Variants in PCDHGA8 observed in about 807,000 individuals in gnomAD.
PCDHGA8 encodes the protein protocadherin gamma subfamily A, 8.
In PCDHGA8, 45 loss-of-function variants were observed where a neutral mutation model predicts 59.2. The observed-to-expected ratio is 0.76, with a 90% CI of 0.60 to 0.98. The LOEUF is 0.98. Among genes scored for constraint, PCDHGA8 ranks in the 50% least tolerant of loss-of-function variants. The pLI is 0.00. For synonymous variants in PCDHGA8, 531 were observed against 519.0 expected, an observed-to-expected ratio of 1.02 and a Z score of -0.32; for missense variants, 1,257 against 1,196.2, an observed-to-expected ratio of 1.05 and a Z score of -0.75.
In PCDHGA8 at chr5:141,393,094, A is replaced by T; in HGVS notation, c.281A>T (p.Glu94Val). The T allele has an allele frequency of 2.5e-6, 4 of 1,613,606 alleles. No homozygotes were observed. Among genetic ancestry groups the T allele is most frequent in the Non-Finnish European group, 3.4e-6 (4 of 1,179,906 alleles). Residue 94 changes from glutamate to valine, a missense_variant, in exon 1 of 4, where the codon GAG (glutamate) becomes GTG (valine). By Grantham distance (121) the Glu-to-Val change is moderately radical. Coordinates refer to ENST00000398604, the MANE Select transcript of PCDHGA8 (RefSeq NM_032088.2). ...ACCGCGGGCAGGATAGATCGGGAGG[A>T]GCTCTGCGCTCAGAGCCCGCGGTGT... ...LITAGRIDREELCAQSPRCLI... is the reference protein window; with the variant it reads ...LITAGRIDREVLCAQSPRCLI...
At position 141,404,150 on chromosome 5, in the gene PCDHGA8, G is replaced by A. The variant is rs1325217999; in HGVS notation, c.2424+8913G>A. ...TTTTACATTAGAAAATTCAGAAGAA[G>A]ATTATTACAGATTGTTGACGGCCCA... is the stretch of plus-strand genomic sequence containing the variant. On this transcript the variant is annotated intron_variant, in intron 1 of 3. Coordinates refer to ENST00000398604, the MANE Select transcript of PCDHGA8 (RefSeq NM_032088.2). 5.0e-6 allele frequency: 8 copies of A among 1,612,830 alleles called. 1 individual carries two copies. In the Middle Eastern group the frequency reaches 6.6e-4, roughly 133 times the overall value.
intron 1 of PCDHGA8, chr5:141,423,851 C>A (rs1311833319): frequency 2.4e-6 from 3 of 1,275,940 alleles, no homozygotes; most frequent in East Asian, 3.1e-5. Context: ...TCTTTCAGAA[C>A]GTTTTTGTGA....
rs1265360670 is a variant in PCDHGA8, at chr5:141,435,001, T to A, written c.2424+39764T>A. On this transcript the variant is annotated intron_variant, in intron 1 of 3. Transcript: ENST00000398604. ...TACTCTATATCATTTTCTAGCTGAATTTATCAATGATAATGCTCTTTTCCC... is the reference window on the plus strand; with the variant it reads ...TACTCTATATCATTTTCTAGCTGAAATTATCAATGATAATGCTCTTTTCCC... Among the ~76,000 whole-genome samples the A allele has an allele frequency of 3.9e-5, 6 of 152,120 alleles. No homozygotes were observed. In the East Asian group the frequency reaches 1.2e-3, roughly 29 times the overall value.
At chr5:141,430,635 T>C (rs1561846344) in intron 1 of PCDHGA8, 1 of 881,828 alleles carries the variant, frequency 1.1e-6, no homozygotes, top group African/African-American at 1.7e-5. Context: ...GAACCATCCC[T>C]GGGAGTATGT....
At chr5:141,466,556 T>C (rs1398776914) in intron 1 of PCDHGA8, among the ~76,000 whole-genome samples, 1 of 152,222 alleles carries the variant, frequency 6.6e-6, no homozygotes, top group Non-Finnish European at 1.5e-5. Context: ...TGCTGTGGGC[T>C]TCATCTTCAA....
At chr5:141,459,300 A>G (rs954766370) in intron 1 of PCDHGA8, among the ~76,000 whole-genome samples, 2 of 152,202 alleles carry the variant, frequency 1.3e-5, no homozygotes, top group Non-Finnish European at 2.9e-5. Context: ...ATCCTATAAC[A>G]TATACTATTT....
chr5:141,418,247 G>T, intron 1 of PCDHGA8: 1 of 1,614,032 alleles, frequency 6.2e-7, no homozygotes, highest in Non-Finnish European at 8.5e-7. Context: ...TAATGACCAC[G>T]CCCCTCAATT....
At chr5:141,395,526 G>T in intron 1 of PCDHGA8, 4 of 357,898 alleles carry the variant, frequency 1.1e-5, no homozygotes, top group Admixed American at 4.6e-5. Context: ...GTCCATACTG[G>T]TAATTTTGCT....
rs747671382 is a variant in PCDHGA8 at position 141,444,152 on chromosome 5, A to ATTTTTTT, written c.2424+48945_2424+48951dup. On this transcript the variant is annotated intron_variant, in intron 1 of 3. Coordinates refer to ENST00000398604, the MANE Select transcript of PCDHGA8 (RefSeq NM_032088.2). ...GATATGTGTCACTTGTGTGTACTGG[A>ATTTTTTT]TTTTTTTTTTTTTTTTTTTTTTTTT... Among the ~76,000 whole-genome samples, 8 of 33,896 alleles carry ATTTTTTT rather than the reference A, an allele frequency of 2.4e-4. 2 individuals are homozygous for ATTTTTTT. The highest frequency in any genetic ancestry group is 2.1e-3 in the South Asian group (2 of 962). 22.2% of individuals were successfully genotyped at this position (33,896 alleles called of 152,430 possible).
chr5:141,414,613 G>A (rs957641063), intron 1 of PCDHGA8: 2 of 1,613,988 alleles, frequency 1.2e-6, no homozygotes, highest in East Asian at 4.5e-5. Flanking sequence ...CTCAGTGACA[G>A]CGCTGGACCC....
At position 141,490,169 on chromosome 5, in the gene PCDHGA8, T is replaced by C; in HGVS notation, c.2425-4638T>C. ...ATCCATGTGTTGGGTCCCATAGACT[T>C]TGAGGAGTCACGTTTCTATGAAATT... On this transcript the variant is annotated intron_variant, in intron 1 of 3. Transcript: ENST00000398604. This position sits in a 1 kb window ranked among gnomAD's most constrained non-coding sequence, Gnocchi z 5.4. 6.2e-7 allele frequency: 1 copy of C among 1,614,190 alleles called. No individual in the cohort carries two copies. The highest frequency in any genetic ancestry group is 8.5e-7 in the Non-Finnish European group (1 of 1,180,018).
At chr5:141,426,825 A>G (rs747894160) in intron 1 of PCDHGA8, 26 of 456,582 alleles carry the variant, frequency 5.7e-5, no homozygotes, top group Non-Finnish European at 9.3e-5. Context: ...CTCTCTGATG[A>G]TGGACAAGAC....
chr5:141,427,229 G>A (rs1377470019), intron 1 of PCDHGA8: 3 of 456,628 alleles, frequency 6.6e-6, no homozygotes, highest in Non-Finnish European at 1.3e-5. Context: ...GTTATACCAT[G>A]AGAGTAGAAG....
chr5:141,485,726 C>G lies in PCDHGA8; in HGVS notation c.2425-9081C>G. On this transcript the variant is annotated intron_variant, in intron 1 of 3. Transcript: ENST00000398604. The surrounding 1 kb of genome is among the most constrained non-coding windows in gnomAD (Gnocchi z 5.7). ...ACACTTTGCACTGGATGTGAAGAAG[C>G]GCAGCGACGGCAGCCTGGTCCCAGA... 2 of 1,614,140 alleles carry G rather than the reference C, an allele frequency of 1.2e-6. No individual in the cohort carries two copies. The highest frequency in any genetic ancestry group is 1.1e-5 in the South Asian group (1 of 91,082).
chr5:141,431,879 C>T lies in PCDHGA8; in HGVS notation c.2424+36642C>T. 1 of 1,614,162 alleles carries T rather than the reference C, an allele frequency of 6.2e-7. No individual in the cohort carries two copies. The highest frequency in any genetic ancestry group is 8.5e-7 in the Non-Finnish European group (1 of 1,179,970). ...AATTGCCCTTTTAAATGTAAATGAC[C>T]AAGATTCTGAGGAAAACGGACAGGT... On this transcript the variant is annotated intron_variant, in intron 1 of 3. Coordinates refer to ENST00000398604, the MANE Select transcript of PCDHGA8 (RefSeq NM_032088.2). The surrounding 1 kb of genome is among the most constrained non-coding windows in gnomAD (Gnocchi z 4.8).
chr5:141,438,901 G>A (rs1039951275), intron 1 of PCDHGA8, among the ~76,000 whole-genome samples: 2 of 151,746 alleles, frequency 1.3e-5, no homozygotes, highest in African/African-American at 2.4e-5. Flanking sequence ...CCTGACCTCA[G>A]GTGATCCACC....
chr5:141,409,850 G>A lies in PCDHGA8; in HGVS notation c.2424+14613G>A. ...GCTCAGCGCCAACGTGAGCCTGCGC[G>A]TGTTGGTGGGAGACCGCAATGACAA... On this transcript the variant is annotated intron_variant, in intron 1 of 3. Transcript: ENST00000398604. 6.2e-7 allele frequency: 1 copy of A among 1,612,142 alleles called. No individual in the cohort carries two copies. Among genetic ancestry groups the A allele is most frequent in the African/African-American group, 1.3e-5 (1 of 75,014 alleles).
chr5:141,451,428 G>T (rs552096051), intron 1 of PCDHGA8, among the ~76,000 whole-genome samples: 17 of 152,166 alleles, frequency 1.1e-4, no homozygotes, highest in Non-Finnish European at 2.1e-4. Context: ...TTAGACTAAG[G>T]GTTCCAGTTC....
At chr5:141,423,429 A>G (rs1590473158) in intron 1 of PCDHGA8, 2 of 1,613,960 alleles carry the variant, frequency 1.2e-6, no homozygotes, top group African/African-American at 1.3e-5. Flanking sequence ...GCGGGTTGGC[A>G]GGTATGCCCA....
Sources: gnomAD v4.1 joint callset for allele counts (sites outside exome capture counted in the v4.1 genomes callset) on GRCh38, gnomAD v4.1.1 for gene constraint, Gnocchi (gnomAD v3.1) non-coding constraint, MANE v1.5 for transcripts, NCBI Gene and HGNC (gene_info 2026-07-23, HGNC 2026-07-21) for gene names.